VAV2: variants seen among roughly 807,000 people sequenced by gnomAD.
VAV2 encodes the protein guanine nucleotide exchange factor VAV2.
A neutral mutation model predicts 132.5 loss-of-function variants in VAV2; 67 were observed. The observed-to-expected ratio is 0.51, with a 90% CI of 0.42 to 0.62. The LOEUF (loss-of-function observed/expected upper bound fraction) is 0.62, where lower values mean the gene tolerates loss of function less well. VAV2 is among the 20% of genes least tolerant of loss of function. VAV2 has a pLI of 0.00. For synonymous variants in VAV2, 492 were observed against 443.5 expected, an observed-to-expected ratio of 1.11 and a Z score of -1.37; for missense variants, 938 against 1,153.6, an observed-to-expected ratio of 0.81 and a Z score of 2.71.
chr9:133,779,545 C>A (rs865976580), intron 21 of VAV2, among the ~76,000 whole-genome samples: 1 of 152,230 alleles, frequency 6.6e-6, no homozygotes, highest in South Asian at 2.1e-4. Flanking sequence ...TCTAGAAGCA[C>A]GTTTCCATTA....
In VAV2 at chr9:133,767,327, C is replaced by G. The variant is rs144742298; in HGVS notation, c.2589+1115G>C. Among the ~76,000 whole-genome samples the G allele has an allele frequency of 4.7e-3, 717 of 152,184 alleles. 1 individual carries two copies. Among genetic ancestry groups the G allele is most frequent in the Non-Finnish European group, 5.7e-3 (389 of 68,018 alleles). ...CCCAAGAAAGCTGGTGTCACAAAAG[C>G]AGATCAAGGAGACTACAGCAAGAAT... is the stretch of plus-strand genomic sequence containing the variant. On this transcript the variant is annotated intron_variant, in intron 29 of 29. Transcript: ENST00000371850.
intron 1 of VAV2, among the ~76,000 whole-genome samples, chr9:133,957,459 T>C (rs1452269957): frequency 6.6e-6 from 1 of 152,112 alleles, no homozygotes; most frequent in East Asian, 1.9e-4. Context: ...CATATTTGAC[T>C]ACTGGGAATA....
At chr9:133,770,800 T>C (rs1030417965) in intron 26 of VAV2, among the ~76,000 whole-genome samples, 1 of 152,200 alleles carries the variant, frequency 6.6e-6, no homozygotes, top group African/African-American at 2.4e-5. Flanking sequence ...TACCCAGCAC[T>C]TGGGGTAAGC....
chr9:133,933,849 G>A (rs1484530893), intron 2 of VAV2, among the ~76,000 whole-genome samples: 2 of 141,938 alleles, frequency 1.4e-5, no homozygotes, highest in African/African-American at 2.6e-5. Context: ...GATGGTGGAT[G>A]GGTGGAAGGA....
At position 133,770,507 on chromosome 9, in the gene VAV2, G is replaced by C. The variant is rs1365160043; in HGVS notation, c.2224-6C>G. On this transcript the variant is annotated splice_polypyrimidine_tract_variant and splice_region_variant and intron_variant, in intron 26 of 29. Transcript: ENST00000371850. Reference sequence around the variant, plus strand: ...TGGTAGTACTCCACCAACTCCTGCAGGGCGTACACACTCACTGACAGCTGC... The same window carrying C: ...TGGTAGTACTCCACCAACTCCTGCACGGCGTACACACTCACTGACAGCTGC... 2 of 1,613,544 alleles carry C rather than the reference G, an allele frequency of 1.2e-6. No individual in the cohort carries two copies. The highest frequency in any genetic ancestry group is 2.7e-5 in the African/African-American group (2 of 74,892).
At chr9:133,979,692 G>A (rs1842633577) in intron 1 of VAV2, among the ~76,000 whole-genome samples, 2 of 152,204 alleles carry the variant, frequency 1.3e-5, no homozygotes, top group Admixed American at 6.5e-5. Context: ...TCTGGCCCAC[G>A]AGGACCTCCT....
At chr9:133,815,431 C>T (rs1314703747) in intron 4 of VAV2, among the ~76,000 whole-genome samples, 1 of 152,130 alleles carries the variant, frequency 6.6e-6, no homozygotes. Context: ...GTATTTTCAT[C>T]TCACCGGAGC....
intron 9 of VAV2, among the ~76,000 whole-genome samples, chr9:133,803,102 C>T (rs1209361643): frequency 6.6e-6 from 1 of 152,112 alleles, no homozygotes; most frequent in Non-Finnish European, 1.5e-5. Context: ...GAACCATCCA[C>T]AGGGCAGCCT....
intron 2 of VAV2, among the ~76,000 whole-genome samples, chr9:133,874,928 T>C (rs961704208): frequency 6.6e-6 from 1 of 152,114 alleles, no homozygotes; most frequent in Non-Finnish European, 1.5e-5. Flanking sequence ...GGGGGAAACA[T>C]GCGTCCAGAA....
chr9:133,972,458 A>C (rs1842367860), intron 1 of VAV2, among the ~76,000 whole-genome samples: 1 of 150,922 alleles, frequency 6.6e-6, no homozygotes, highest in African/African-American at 2.4e-5. Context: ...CACCCAAAGA[A>C]AGCAGCGGAG....
Position 133,863,895 on chromosome 9 carries a change from C to A in VAV2, c.322-2463G>T, listed in dbSNP as rs2131876097. Among the ~76,000 whole-genome samples the A allele has an allele frequency of 6.6e-6, 1 of 152,244 alleles. No homozygotes were observed. The highest frequency in any genetic ancestry group is 3.4e-3 in the Middle Eastern group (1 of 294). ...CAAAGCCGGCCCCATGTGAAACCCA[C>A]TGGCCTGAAAGGTTAGGAGCAGAAG... On this transcript the variant is annotated intron_variant, in intron 2 of 29. Transcript: ENST00000371850. This position sits in a 1 kb window ranked among gnomAD's most constrained non-coding sequence, Gnocchi z 5.0.
chr9:133,905,626 C>T (rs1839621995), intron 2 of VAV2, among the ~76,000 whole-genome samples: 1 of 152,042 alleles, frequency 6.6e-6, no homozygotes, highest in Non-Finnish European at 1.5e-5. Context: ...ACAGAAATGA[C>T]CTGGAAGACC....
intron 1 of VAV2, among the ~76,000 whole-genome samples, chr9:133,978,963 G>A (rs1388282359): frequency 6.6e-6 from 1 of 152,268 alleles, no homozygotes; most frequent in Admixed American, 6.5e-5. Context: ...AGAGCTGAGG[G>A]GGTCAGGGCA....
chr9:133,768,658 G>A lies in VAV2; in HGVS notation c.2435-62C>T, dbSNP rs1833517095. 1.3e-5 allele frequency: 20 copies of A among 1,562,692 alleles called. No homozygotes were observed. Among genetic ancestry groups the A allele is most frequent in the Admixed American group, 1.8e-5 (1 of 55,014 alleles). ...GAGGAGCCCAACCAGTGATCCAGGA[G>A]GCCCTTGGGCCAAGCTGGGTCTCTC... On this transcript the variant is annotated intron_variant, in intron 28 of 29. Transcript: ENST00000371850. This position sits in a 1 kb window ranked among gnomAD's most constrained non-coding sequence, Gnocchi z 5.3.
Position 133,879,385 on chromosome 9 carries a change from G to A in VAV2, c.322-17953C>T, listed in dbSNP as rs1469496196. Among the ~76,000 whole-genome samples, 1 of 152,096 alleles carries A rather than the reference G, an allele frequency of 6.6e-6. No individual in the cohort carries two copies. Among genetic ancestry groups the A allele is most frequent in the African/African-American group, 2.4e-5 (1 of 41,414 alleles). ...GGAGTCCAGCAGAGTCCCTAATCAA[G>A]CAAAGCAAGGGGCAGGAGATGTCCA... is the stretch of plus-strand genomic sequence containing the variant. On this transcript the variant is annotated intron_variant, in intron 2 of 29. Transcript: ENST00000371850. This position sits in a 1 kb window ranked among gnomAD's most constrained non-coding sequence, Gnocchi z 4.4.
intron 3 of VAV2, among the ~76,000 whole-genome samples, chr9:133,845,700 C>CT (rs1388386274): frequency 6.6e-6 from 1 of 152,248 alleles, no homozygotes; most frequent in Non-Finnish European, 1.5e-5. Context: ...AGCCACTACC[C>CT]TTCCATCCCC....
rs571404754 is a variant in VAV2, at chr9:133,939,381, A to T, written c.205-162T>A. ...AGGAAATGGGCTCAGAGAGATGACGAAACCCCCCGTCCCAAGGCTGGGGGG... is the reference window on the plus strand; with the variant it reads ...AGGAAATGGGCTCAGAGAGATGACGTAACCCCCCGTCCCAAGGCTGGGGGG... On this transcript the variant is annotated intron_variant, in intron 1 of 29. Transcript: ENST00000371850. 9.5e-5 allele frequency: 66 copies of T among 696,490 alleles called. No individual in the cohort carries two copies. The South Asian group carries it at 1.0e-3, about 11-fold the overall frequency. 43.1% of individuals were successfully genotyped at this position (696,490 alleles called of 1,614,324 possible).
chr9:133,891,583 A>G (rs1394084842), intron 2 of VAV2, among the ~76,000 whole-genome samples: 1 of 9,662 alleles, frequency 1.0e-4, no homozygotes, highest in African/African-American at 5.5e-4. Flanking sequence ...ATGGAGGGGA[A>G]GGAGGGAAGG....
intron 2 of VAV2, among the ~76,000 whole-genome samples, chr9:133,871,126 A>AGATG (rs60199539): frequency 0.035 from 4,938 of 139,988 alleles, 172 homozygotes; most frequent in African/African-American, 0.089. Context: ...GTGGGTGAAC[A>AGATG]GATGGATGGA....
Sources: allele counts gnomAD v4.1 joint callset (sites outside exome capture counted in the v4.1 genomes callset), GRCh38; gene constraint gnomAD v4.1.1; non-coding constraint Gnocchi (gnomAD v3.1); transcripts MANE v1.5; gene names NCBI Gene and HGNC (gene_info 2026-07-23, HGNC 2026-07-21).